The following TLK2 variants were observed in gnomAD, a reference collection of about 807,000 sequenced individuals.
TLK2 encodes tousled like kinase 2.
In TLK2, 6 loss-of-function variants were observed where a neutral mutation model predicts 117.3. That is an observed-to-expected ratio of 0.05 (90% CI 0.03 to 0.10). TLK2 has a LOEUF of 0.10. Ranked by LOEUF, TLK2 falls within the 10% of genes least tolerant of loss-of-function variation. The pLI is 1.00. For missense variants in TLK2, 299 were observed against 901.2 expected, an observed-to-expected ratio of 0.33 and a Z score of 8.56; for synonymous variants, 257 against 316.7, an observed-to-expected ratio of 0.81 and a Z score of 2.00.
intron 2 of TLK2, among the ~76,000 whole-genome samples, chr17:62,520,570 G>A (rs536243715): frequency 2.0e-5 from 3 of 151,576 alleles, no homozygotes; most frequent in East Asian, 2.0e-4. Context: ...CCAGCTACTC[G>A]AGAGGCTGAG....
chr17:62,510,699 C>G (rs1308354150), intron 2 of TLK2, among the ~76,000 whole-genome samples: 1 of 152,160 alleles, frequency 6.6e-6, no homozygotes, highest in Admixed American at 6.5e-5. Context: ...CTCACTTGCT[C>G]TCTCTCATTC....
chr17:62,574,171 CTTGTA>C (rs2080555298), intron 12 of TLK2, among the ~76,000 whole-genome samples: 1 of 152,096 alleles, frequency 6.6e-6, no homozygotes, highest in Non-Finnish European at 1.5e-5. Flanking sequence ...TATAATAATA[CTTGTA>C]TTATATTATT....
chr17:62,520,650 C>T (rs150543529), intron 2 of TLK2, 123 bp from the exon 3 acceptor site: 23 of 876,872 alleles, frequency 2.6e-5, no homozygotes, highest in African/African-American at 1.1e-4. Flanking sequence ...GTATTCCAGC[C>T]GGGGTGATAA....
At chr17:62,545,381 TATC>T (rs1176087320) in intron 7 of TLK2, among the ~76,000 whole-genome samples, 2 of 152,330 alleles carry the variant, frequency 1.3e-5, no homozygotes, top group East Asian at 1.9e-4. Context: ...GTTAAAAAGG[TATC>T]ATCCAGTTTT....
At chr17:62,602,215 G>A (rs2082921702) in intron 19 of TLK2, 35 bp downstream of exon 19, 1 of 1,605,304 alleles carries the variant, frequency 6.2e-7, no homozygotes, top group Admixed American at 1.7e-5. Flanking sequence ...GTTGGCTATA[G>A]AGATGTGGCT....
intron 2 of TLK2, among the ~76,000 whole-genome samples, chr17:62,512,379 C>T (rs1230826026): frequency 2.6e-5 from 4 of 151,678 alleles, no homozygotes; most frequent in Non-Finnish European, 2.9e-5. Flanking sequence ...TGCACCACCA[C>T]GCCTGGCTAA....
chr17:62,482,192 A>G (rs1461313737), intron 2 of TLK2, among the ~76,000 whole-genome samples: 4 of 151,682 alleles, frequency 2.6e-5, no homozygotes, highest in Non-Finnish European at 2.9e-5. Flanking sequence ...CAGGTGATCC[A>G]CCTGCCTCAG....
chr17:62,610,645 G>C (rs936476708), intron 21 of TLK2, among the ~76,000 whole-genome samples: 5 of 152,150 alleles, frequency 3.3e-5, no homozygotes, highest in African/African-American at 1.2e-4. Context: ...TAGATCTGCA[G>C]GGGAAAGTAT....
At chr17:62,497,513 T>G (rs1263361096) in intron 2 of TLK2, among the ~76,000 whole-genome samples, 2 of 152,210 alleles carry the variant, frequency 1.3e-5, no homozygotes, top group African/African-American at 4.8e-5. Flanking sequence ...TGAGACCATG[T>G]TTTAAAAGGC....
intron 10 of TLK2, among the ~76,000 whole-genome samples, chr17:62,562,421 T>C (rs2079364152): frequency 6.6e-6 from 1 of 152,114 alleles, no homozygotes; most frequent in African/African-American, 2.4e-5. Flanking sequence ...TCATAGAATT[T>C]GAATACTTTA....
chr17:62,472,501 G>A (rs1342927515), intron 1 of TLK2, among the ~76,000 whole-genome samples: 1 of 151,954 alleles, frequency 6.6e-6, no homozygotes, highest in Non-Finnish European at 1.5e-5. Flanking sequence ...CACTTTGGGA[G>A]GCCAAGGTGG....
chr17:62,530,029 C>A (rs1439696187), intron 6 of TLK2, among the ~76,000 whole-genome samples: 3 of 152,044 alleles, frequency 2.0e-5, no homozygotes, highest in Non-Finnish European at 4.4e-5. Flanking sequence ...ATAGTGAGAT[C>A]CCTGTCTGTA....
chr17:62,535,104 T>C (rs1432243105), intron 6 of TLK2, among the ~76,000 whole-genome samples: 1 of 152,024 alleles, frequency 6.6e-6, no homozygotes, highest in East Asian at 1.9e-4. Context: ...GCCAGGCTGG[T>C]CTTGAACTCC....
chr17:62,600,091 T>C (rs2082764607), intron 17 of TLK2, among the ~76,000 whole-genome samples: 1 of 152,240 alleles, frequency 6.6e-6, no homozygotes, highest in Admixed American at 6.5e-5. Flanking sequence ...GAAGACGTAG[T>C]ATGCAGTCAG....
chr17:62,496,850 G>A (rs1223099036), intron 2 of TLK2, among the ~76,000 whole-genome samples: 9 of 151,530 alleles, frequency 5.9e-5, no homozygotes, highest in Non-Finnish European at 1.2e-4. Flanking sequence ...CCAGCTACTC[G>A]GGAGGCTGAG....
chr17:62,591,025 G>T (rs1186646577), intron 16 of TLK2, among the ~76,000 whole-genome samples: 1 of 152,186 alleles, frequency 6.6e-6, no homozygotes, highest in South Asian at 2.1e-4. Flanking sequence ...GCCGAGGCCG[G>T]TGGATCATGA....
At chr17:62,599,177 C>T (rs1288995515) in intron 17 of TLK2, among the ~76,000 whole-genome samples, 1 of 152,200 alleles carries the variant, frequency 6.6e-6, no homozygotes, top group Admixed American at 6.5e-5. Flanking sequence ...AAACTCCTGG[C>T]CTCAAGTGAT....
At chr17:62,561,090 G>A (rs961779468) in intron 10 of TLK2, among the ~76,000 whole-genome samples, 3 of 151,800 alleles carry the variant, frequency 2.0e-5, no homozygotes, top group African/African-American at 7.3e-5. Context: ...TGGTTTTTTT[G>A]TCCTTGCGAT....
chr17:62,505,407 A>ATTTTTTTTTTTTTTTTTTT lies in TLK2; in HGVS notation c.82-15358_82-15340dup, dbSNP rs544900638. On this transcript the variant is annotated intron_variant, in intron 2 of 21. Transcript: ENST00000346027. ...TACAGTCATGCACTACCATACCCAG[A>ATTTTTTTTTTTTTTTTTTT]TTTTTTTTTTTTTTTTTTTTTTTTT... Among the ~76,000 whole-genome samples the ATTTTTTTTTTTTTTTTTTT allele has an allele frequency of 1.3e-3, 68 of 53,768 alleles. 14 individuals are homozygous for ATTTTTTTTTTTTTTTTTTT. The highest frequency in any genetic ancestry group is 1.8e-3 in the African/African-American group (19 of 10,816). 35.3% of individuals were successfully genotyped at this position (53,768 alleles called of 152,430 possible).
Sources: gnomAD v4.1 joint callset for allele counts (sites outside exome capture counted in the v4.1 genomes callset) on GRCh38, gnomAD v4.1.1 for gene constraint, MANE v1.5 for transcripts, NCBI Gene and HGNC (gene_info 2026-07-23, HGNC 2026-07-21) for gene names.